CRMP1: variants seen among roughly 807,000 people sequenced by gnomAD.
CRMP1 encodes collapsin response mediator protein 1.
Under a neutral mutation model 68.3 loss-of-function variants are expected in CRMP1, and 19 were observed. The observed-to-expected ratio is 0.28, with a 90% CI of 0.19 to 0.41. The LOEUF (loss-of-function observed/expected upper bound fraction) is 0.41, where lower values mean the gene tolerates loss of function less well. Among genes scored for constraint, CRMP1 ranks in the 10% least tolerant of loss-of-function variants. The probability of loss-of-function intolerance (pLI) is 1.00; values close to 1 mark genes in which losing one functional copy is unlikely to be tolerated. For synonymous variants in CRMP1, 439 were observed against 399.6 expected (o/e 1.10, Z -1.18); for missense variants, 791 against 967.4 (o/e 0.82, Z 2.42).
At position 5,825,311 on chromosome 4, in the gene CRMP1, G is replaced by A; in HGVS notation, c.1969+183C>T. The A allele has an allele frequency of 1.0e-6, 1 of 985,122 alleles. No homozygotes were observed. Among genetic ancestry groups the A allele is most frequent in the Non-Finnish European group, 1.2e-6 (1 of 829,874 alleles). The allele number at this position is 985,122 out of a possible 1,614,324, so 61.0% of individuals were successfully genotyped here. On this transcript the variant is annotated intron_variant, in intron 13 of 13. Transcript: ENST00000324989. The surrounding 1 kb of genome is among the most constrained non-coding windows in gnomAD (Gnocchi z 4.4). ...GCCCCCCTAACATGGACCCCCCTCT[G>A]CTTGGTGACCATGCCAGCCCACTCT... is the stretch of plus-strand genomic sequence containing the variant.
At chr4:5,863,832 C>T (rs558877496) in intron 2 of CRMP1, among the ~76,000 whole-genome samples, 2 of 152,254 alleles carry the variant, frequency 1.3e-5, no homozygotes, top group African/African-American at 2.4e-5. Flanking sequence ...CCTCTGTACC[C>T]GAGGTGGTCC....
At position 5,834,693 on chromosome 4, in the gene CRMP1, C is replaced by T. The variant is rs980904636; in HGVS notation, c.1623+1222G>A. Among the ~76,000 whole-genome samples, 22 of 152,330 alleles carry T rather than the reference C, an allele frequency of 1.4e-4. No homozygotes were observed. Among genetic ancestry groups the T allele is most frequent in the African/African-American group, 5.1e-4 (21 of 41,568 alleles). On this transcript the variant is annotated intron_variant, in intron 11 of 13. Transcript: ENST00000324989. The surrounding 1 kb of genome is among the most constrained non-coding windows in gnomAD (Gnocchi z 4.3). ...GCACAGACCCCAAGCAGTGTGTACA[C>T]ACGTGAAATAATTCATAATAAATAA...
chr4:5,844,777 G>A (rs7667115), intron 6 of CRMP1, among the ~76,000 whole-genome samples: 62,608 of 151,976 alleles, frequency 0.41, 13,554 homozygotes, highest in East Asian at 0.63. Flanking sequence ...TGCACGCTGG[G>A]AAACTGTGTA....
chr4:5,823,969 C>T (rs1006257855), intron 13 of CRMP1, among the ~76,000 whole-genome samples: 1 of 152,174 alleles, frequency 6.6e-6, no homozygotes, highest in Non-Finnish European at 1.5e-5. Context: ...CAAATGAAGT[C>T]ACCTATCAAC....
rs1264763874 is a variant in CRMP1 at position 5,856,183 on chromosome 4, A to T, written c.780T>A (p.Asp260Glu). The change falls in exon 4 of 14, where the codon GAT becomes GAA. Residue 260 changes from aspartate (D) to glutamate (E), a missense_variant. Asp to Glu is a conservative substitution (Grantham distance 45, BLOSUM62 2). This residue lies in a region of CRMP1 where 594 missense variants were observed against 763.6 expected (regional missense o/e 0.78). Transcript: ENST00000324989. Reference protein sequence around the residue: ...SLHVDITSWYDGVREELEVLV... With the variant: ...SLHVDITSWYEGVREELEVLV... ...GCACCTCCAGCTCCTCCCGAACGCC[A>T]TCGTACCAGCTTGTGATGTCCACGT... 2 of 1,613,970 alleles carry T rather than the reference A, an allele frequency of 1.2e-6. No homozygotes were observed. Among genetic ancestry groups the T allele is most frequent in the South Asian group, 2.2e-5 (2 of 91,076 alleles).
chr4:5,870,738 C>T lies in CRMP1; in HGVS notation c.382-3982G>A, dbSNP rs1300751521. On this transcript the variant is annotated intron_variant, in intron 1 of 13. Coordinates refer to ENST00000324989, the MANE Select transcript of CRMP1 (RefSeq NM_001014809.3). The surrounding 1 kb of genome is among the most constrained non-coding windows in gnomAD (Gnocchi z 6.0). ...GTAAGTTGCTCCTAGGCCCCACAACCTATCTGTACCGCTAAAAAAGATGTG... is the reference window on the plus strand; with the variant it reads ...GTAAGTTGCTCCTAGGCCCCACAACTTATCTGTACCGCTAAAAAAGATGTG... Among the ~76,000 whole-genome samples, 2 of 152,218 alleles carry T rather than the reference C, an allele frequency of 1.3e-5. No homozygotes were observed. Among genetic ancestry groups the T allele is most frequent in the Non-Finnish European group, 2.9e-5 (2 of 68,040 alleles).
intron 11 of CRMP1, among the ~76,000 whole-genome samples, chr4:5,833,740 G>C (rs1399400383): frequency 1.3e-5 from 2 of 152,130 alleles, no homozygotes; most frequent in African/African-American, 4.8e-5. Context: ...TGTGGCCTCT[G>C]ATCCCACACT....
intron 1 of CRMP1, among the ~76,000 whole-genome samples, chr4:5,867,508 G>A (rs145964013): frequency 1.1e-3 from 174 of 152,278 alleles, no homozygotes; most frequent in African/African-American, 4.0e-3. Flanking sequence ...ACAACTCCCA[G>A]TTGACATTCT....
chr4:5,891,208 A>ACACACACACC lies in CRMP1; in HGVS notation c.381+1380_381+1381insGGTGTGTGTG, dbSNP rs1715933596. On this transcript the variant is annotated intron_variant, in intron 1 of 13. Transcript: ENST00000324989. The surrounding 1 kb of genome is among the most constrained non-coding windows in gnomAD (Gnocchi z 5.2). ...CACACACACACACACACACACACAC[A>ACACACACACC]CACACCCTTGCTGTTGGACCTCTCC... Among the ~76,000 whole-genome samples, 1 of 151,138 alleles carries ACACACACACC rather than the reference A, an allele frequency of 6.6e-6. No homozygotes were observed. The highest frequency in any genetic ancestry group is 2.4e-5 in the African/African-American group (1 of 41,002).
At position 5,866,874 on chromosome 4, in the gene CRMP1, C is replaced by G; in HGVS notation, c.382-118G>C. ...TTTCAAAAGTAAAGGCATTTAACTT[C>G]CCCCGCCCCAGATCCATCACCAGCT... On this transcript the variant is annotated intron_variant, in intron 1 of 13. Coordinates refer to ENST00000324989, the MANE Select transcript of CRMP1 (RefSeq NM_001014809.3). This position sits in a 1 kb window ranked among gnomAD's most constrained non-coding sequence, Gnocchi z 5.9. The G allele has an allele frequency of 1.6e-6, 1 of 642,176 alleles. No individual in the cohort carries two copies. Among genetic ancestry groups the G allele is most frequent in the Non-Finnish European group, 2.6e-6 (1 of 383,490 alleles). The allele number at this position is 642,176 out of a possible 1,614,324, so 39.8% of individuals were successfully genotyped here. A position where few individuals can be genotyped will look rare whatever the true frequency, so the allele number is the denominator to read the frequency against.
At chr4:5,852,654 ACT>A (rs1246490037) in intron 4 of CRMP1, among the ~76,000 whole-genome samples, 4 of 152,170 alleles carry the variant, frequency 2.6e-5, no homozygotes, top group African/African-American at 7.2e-5. Context: ...ATTGGATGCA[ACT>A]CTCTGTGCAG....
chr4:5,889,625 C>A lies in CRMP1; in HGVS notation c.381+2964G>T. 1 of 1,536,202 alleles carries A rather than the reference C, an allele frequency of 6.5e-7. No individual in the cohort carries two copies. On this transcript the variant is annotated intron_variant, in intron 1 of 13. Transcript: ENST00000324989. The surrounding 1 kb of genome is among the most constrained non-coding windows in gnomAD (Gnocchi z 4.5). ...TTCCCAGGCAGAATAAAACACCAAC[C>A]TTGTCCACCACTTCGTTGTTCATTT...
chr4:5,887,428 C>T, intron 1 of CRMP1: 5 of 985,502 alleles, frequency 5.1e-6, no homozygotes, highest in Non-Finnish European at 6.0e-6. Context: ...AACAGTCAGG[C>T]TCCACGCTGA....
In CRMP1 at chr4:5,842,244, A is replaced by G. The variant is rs1028007589; in HGVS notation, c.1033-816T>C. Reference sequence around the variant, plus strand: ...CAGAGCGAGACTCTGTCTCAAAAACAAACAAAACAAACAAACAAAAAACAC... The same window carrying G: ...CAGAGCGAGACTCTGTCTCAAAAACGAACAAAACAAACAAACAAAAAACAC... On this transcript the variant is annotated intron_variant, in intron 7 of 13. Coordinates refer to ENST00000324989, the MANE Select transcript of CRMP1 (RefSeq NM_001014809.3). The surrounding 1 kb of genome is among the most constrained non-coding windows in gnomAD (Gnocchi z 4.5). 6.6e-6 allele frequency among the ~76,000 whole-genome samples: 1 copy of G among 151,760 alleles called. No homozygotes were observed. The highest frequency in any genetic ancestry group is 1.5e-5 in the Non-Finnish European group (1 of 67,908).
Position 5,828,669 on chromosome 4 carries a change from C to G in CRMP1, c.1624-1G>C. On this transcript the variant is annotated splice_acceptor_variant, in intron 11 of 13. Transcript: ENST00000324989. LOFTEE classifies it high-confidence loss of function. ...CCTCGAAGATGTTGTACTCCACCGC[C>G]TGCACCAACAGCCTCAGTGTTACTT... The G allele has an allele frequency of 6.2e-7, 1 of 1,613,340 alleles. No homozygotes were observed. The highest frequency in any genetic ancestry group is 8.5e-7 in the Non-Finnish European group (1 of 1,179,354).
At chr4:5,844,107 T>C (rs951591646) in intron 6 of CRMP1, among the ~76,000 whole-genome samples, 2 of 152,016 alleles carry the variant, frequency 1.3e-5, no homozygotes, top group African/African-American at 4.8e-5. Flanking sequence ...GAAATCACAA[T>C]CTCAACTGCG....
In CRMP1 at chr4:5,888,033, G is replaced by T. The variant is rs942062215; in HGVS notation, c.381+4556C>A. 6.6e-6 allele frequency among the ~76,000 whole-genome samples: 1 copy of T among 151,910 alleles called. No homozygotes were observed. Among genetic ancestry groups the T allele is most frequent in the African/African-American group, 2.4e-5 (1 of 41,418 alleles). ...GCTCCAGCCCCGCCCCGCCATGCGG[G>T]GCTCCCCCACCCCCATTGTCCCCAG... On this transcript the variant is annotated intron_variant, in intron 1 of 13. Transcript: ENST00000324989. This position sits in a 1 kb window ranked among gnomAD's most constrained non-coding sequence, Gnocchi z 6.4.
Position 5,892,800 on chromosome 4 carries a change from C to A in CRMP1, c.170G>T (p.Arg57Leu). ...TIDFDAYSVG[R>L]RGSARTPRSA... ...GCGCGGCGTGCGCGCCGAGCCGCGGCGGCCCACACTGTAGGCGTCGAAGTC... is the reference window on the plus strand; with the variant it reads ...GCGCGGCGTGCGCGCCGAGCCGCGGAGGCCCACACTGTAGGCGTCGAAGTC... The change falls in exon 1 of 14, where the codon CGC becomes CTC. Residue 57 changes from arginine to leucine, a missense_variant. Around this residue, in one of 3 missense-constraint regions of CRMP1, gnomAD observed 193 missense variants for 186.3 expected, o/e 1.04. Transcript: ENST00000324989. The surrounding 1 kb of genome is among the most constrained non-coding windows in gnomAD (Gnocchi z 8.6). 7.5e-7 allele frequency: 1 copy of A among 1,337,030 alleles called. No homozygotes were observed. Among genetic ancestry groups the A allele is most frequent in the Non-Finnish European group, 9.7e-7 (1 of 1,036,152 alleles). The allele number at this position is 1,337,030 out of a possible 1,614,324, so 82.8% of individuals were successfully genotyped here. A position where few individuals can be genotyped will look rare whatever the true frequency, so the allele number is the denominator to read the frequency against.
chr4:5,834,492 C>A lies in CRMP1; in HGVS notation c.1623+1423G>T, dbSNP rs115730838. 8.9e-4 allele frequency among the ~76,000 whole-genome samples: 136 copies of A among 152,254 alleles called. No individual in the cohort carries two copies. The highest frequency in any genetic ancestry group is 1.7e-3 in the Non-Finnish European group (119 of 68,012). On this transcript the variant is annotated intron_variant, in intron 11 of 13. Coordinates refer to ENST00000324989, the MANE Select transcript of CRMP1 (RefSeq NM_001014809.3). The surrounding 1 kb of genome is among the most constrained non-coding windows in gnomAD (Gnocchi z 4.3). ...GGATAACTCAGCAAGAAGGCCTTTG[C>A]CAGATGCCGGCATTTTAATACTGAA...
Sources: gnomAD v4.1 joint callset for allele counts (sites outside exome capture counted in the v4.1 genomes callset) on GRCh38, gnomAD v4.1.1 for gene constraint, gnomAD v4.1.1 regional missense constraint, Gnocchi (gnomAD v3.1) non-coding constraint, MANE v1.5 for transcripts, NCBI Gene and HGNC (gene_info 2026-07-23, HGNC 2026-07-21) for gene names.